Variants in FMN1 observed in about 807,000 individuals in gnomAD.
The protein encoded by FMN1 is formin 1, also known as formin-1.
A neutral mutation model predicts 132.4 loss-of-function variants in FMN1; 110 were observed. The observed-to-expected ratio is 0.83, with a 90% CI of 0.71 to 0.97. The LOEUF (loss-of-function observed/expected upper bound fraction) is 0.97. Ranked by LOEUF, FMN1 falls within the 50% of genes least tolerant of loss-of-function variation. The pLI is 0.00. For synonymous variants in FMN1, 722 were observed against 651.7 expected (o/e 1.11, Z -1.64); for missense variants, 1,792 against 1,705.3 (o/e 1.05, Z -0.90).
At chr15:33,014,687 A>G (rs899117800) in intron 6 of FMN1, among the ~76,000 whole-genome samples, 2 of 152,220 alleles carry the variant, frequency 1.3e-5, no homozygotes, top group African/African-American at 2.4e-5. Flanking sequence ...AAGCTTTCTT[A>G]GTCTAGTATT....
intron 9 of FMN1, among the ~76,000 whole-genome samples, chr15:32,941,660 T>C (rs529041103): frequency 5.7e-4 from 87 of 152,326 alleles, no homozygotes; most frequent in Admixed American, 3.5e-3. Flanking sequence ...AGTCATTTTC[T>C]AGTATTAAGA....
At chr15:33,065,128 C>A in intron 5 of FMN1, 54 bp from the exon 6 acceptor site, 1 of 1,229,088 alleles carries the variant, frequency 8.1e-7, no homozygotes, top group Non-Finnish European at 1.1e-6. Context: ...CCGATTAATT[C>A]CTGAAAAATG....
intron 5 of FMN1, chr15:33,067,601 T>G: frequency 6.2e-7 from 1 of 1,613,990 alleles, no homozygotes; most frequent in African/African-American, 1.3e-5. Context: ...TGCAATTTTC[T>G]CATCATTTCC....
chr15:33,141,184 C>A (rs2140251432), intron 4 of FMN1, among the ~76,000 whole-genome samples: 1 of 152,218 alleles, frequency 6.6e-6, no homozygotes, highest in East Asian at 1.9e-4. Context: ...TAAATATAGA[C>A]AAATTCACCA....
At chr15:33,023,059 CAAAAAAA>C (rs758459713) in intron 6 of FMN1, among the ~76,000 whole-genome samples, 3 of 53,194 alleles carry the variant, frequency 5.6e-5, no homozygotes, top group South Asian at 1.5e-3. Context: ...CTCCCCCACC[CAAAAAAA>C]AAAAAAAAAA....
chr15:33,169,746 T>TC (rs1468935339), intron 3 of FMN1, among the ~76,000 whole-genome samples: 1 of 148,704 alleles, frequency 6.7e-6, no homozygotes, highest in Non-Finnish European at 1.5e-5. Flanking sequence ...TTTCCTTTTT[T>TC]TTTTTTTTTT....
At chr15:32,892,833 C>G (rs2060064440) in intron 15 of FMN1, among the ~76,000 whole-genome samples, 1 of 152,080 alleles carries the variant, frequency 6.6e-6, no homozygotes, top group Non-Finnish European at 1.5e-5. Flanking sequence ...TCTAGGTTTT[C>G]TAGTTTATGT....
At chr15:33,036,460 TC>T (rs1215968457) in intron 6 of FMN1, among the ~76,000 whole-genome samples, 1 of 152,200 alleles carries the variant, frequency 6.6e-6, no homozygotes, top group Non-Finnish European at 1.5e-5. Context: ...CCAAAGTGAA[TC>T]CTCATTCAAG....
chr15:32,889,838 AGTG>A (rs745767889), intron 15 of FMN1, among the ~76,000 whole-genome samples: 12 of 152,250 alleles, frequency 7.9e-5, no homozygotes, highest in South Asian at 2.1e-4. Flanking sequence ...TAAGTTCTTT[AGTG>A]GTGATTTGTG....
At chr15:33,100,806 T>C (rs1014116645) in intron 4 of FMN1, among the ~76,000 whole-genome samples, 9 of 152,150 alleles carry the variant, frequency 5.9e-5, no homozygotes, top group African/African-American at 1.9e-4. Flanking sequence ...CACCAAAATA[T>C]AATCTATGAC....
intron 4 of FMN1, among the ~76,000 whole-genome samples, chr15:33,134,613 T>C (rs1177181791): frequency 6.6e-6 from 1 of 152,198 alleles, no homozygotes; most frequent in Non-Finnish European, 1.5e-5. Context: ...CAAAGTCAAG[T>C]GGAGAGCACC....
At chr15:33,103,885 CCT>C (rs1362734400) in intron 4 of FMN1, among the ~76,000 whole-genome samples, 3 of 152,132 alleles carry the variant, frequency 2.0e-5, no homozygotes, top group South Asian at 2.1e-4. Flanking sequence ...TTTTCTTCCC[CCT>C]GAGGTAATTT....
intron 6 of FMN1, among the ~76,000 whole-genome samples, chr15:33,055,609 C>CA (rs61239065): frequency 0.02 from 3,032 of 148,788 alleles, 72 homozygotes; most frequent in South Asian, 0.089. Context: ...AACTCATAGA[C>CA]AAAAAAAAAC....
intron 15 of FMN1, among the ~76,000 whole-genome samples, chr15:32,891,010 T>C (rs1252368830): frequency 6.6e-6 from 1 of 152,332 alleles, no homozygotes; most frequent in Admixed American, 6.5e-5. Flanking sequence ...TTTCCCACTT[T>C]ATATTTTTGT....
intron 17 of FMN1, among the ~76,000 whole-genome samples, chr15:32,827,530 G>T (rs948878091): frequency 1.3e-5 from 2 of 152,102 alleles, no homozygotes; most frequent in African/African-American, 2.4e-5. Context: ...TTATTGTCTT[G>T]TTCATCTTTT....
intron 3 of FMN1, among the ~76,000 whole-genome samples, chr15:33,177,131 C>T (rs1470671002): frequency 6.6e-6 from 1 of 152,196 alleles, no homozygotes; most frequent in Non-Finnish European, 1.5e-5. Context: ...GAAGCTGAGG[C>T]ACAGGAGGGT....
chr15:32,950,878 T>C (rs578206500), intron 9 of FMN1, among the ~76,000 whole-genome samples: 1 of 152,348 alleles, frequency 6.6e-6, no homozygotes, highest in African/African-American at 2.4e-5. Context: ...TAGTTATCTT[T>C]TTGTTATTGA....
At chr15:33,069,991 C>CTTTTTTTTTTTTTTTTTTTTT (rs1566888327) in intron 5 of FMN1, among the ~76,000 whole-genome samples, 1 of 59,554 alleles carries the variant, frequency 1.7e-5, no homozygotes, top group African/African-American at 4.9e-5. Flanking sequence ...ATCAGTCTTT[C>CTTTTTTTTTTTTTTTTTTTTT]TCTTTTTTTT....
intron 7 of FMN1, among the ~76,000 whole-genome samples, chr15:33,003,437 C>T (rs2034229636): frequency 6.6e-6 from 1 of 152,122 alleles, no homozygotes; most frequent in Admixed American, 6.6e-5. Context: ...GAGTGAACTC[C>T]CATTCACAAT....
Sources: allele counts gnomAD v4.1 joint callset (sites outside exome capture counted in the v4.1 genomes callset), GRCh38; gene constraint gnomAD v4.1.1; transcripts MANE v1.5; gene names NCBI Gene and HGNC (gene_info 2026-07-23, HGNC 2026-07-21).